Variants in PATJ observed in about 807,000 individuals in gnomAD.
The protein encoded by PATJ is PATJ crumbs cell polarity complex component, also known as inaD-like protein.
A neutral mutation model predicts 224.9 loss-of-function variants in PATJ; 190 were observed. The ratio of observed to expected loss-of-function variants is 0.84; its 90% CI spans 0.75 to 0.95. The LOEUF is 0.95. PATJ is among the 40% of genes least tolerant of loss of function. PATJ has a pLI of 0.00. For missense variants in PATJ, 2,121 were observed against 2,270.3 expected, an observed-to-expected ratio of 0.93 and a Z score of 1.34; for synonymous variants, 769 against 820.3, an observed-to-expected ratio of 0.94 and a Z score of 1.07.
At chr1:61,876,438 T>A (rs1387519142) in intron 21 of PATJ, among the ~76,000 whole-genome samples, 3 of 152,178 alleles carry the variant, frequency 2.0e-5, no homozygotes, top group Non-Finnish European at 4.4e-5. Context: ...TTGGAGAAGA[T>A]TTATAGCACA....
chr1:61,897,015 G>A (rs541403114), intron 22 of PATJ, among the ~76,000 whole-genome samples: 8 of 152,052 alleles, frequency 5.3e-5, no homozygotes, highest in African/African-American at 1.9e-4. Flanking sequence ...TATTGAGATA[G>A]CAGATAAATT....
intron 9 of PATJ, among the ~76,000 whole-genome samples, chr1:61,793,181 C>T (rs1405518766): frequency 6.6e-6 from 1 of 152,106 alleles, no homozygotes; most frequent in Non-Finnish European, 1.5e-5. Flanking sequence ...TCAAGTGACT[C>T]TTGTGCCTCA....
In PATJ at chr1:62,106,063, A is replaced by AATATATAT. The variant is rs1553268230; in HGVS notation, c.4378-2364_4378-2357dup. On this transcript the variant is annotated intron_variant, in intron 33 of 43. Transcript: ENST00000642238. ...CTCCTCTTAAAAAAAAAAAAAAAAA[A>AATATATAT]ATATATATATATATATACACACACA... Among the ~76,000 whole-genome samples, 30 of 39,658 alleles carry AATATATAT rather than the reference A, an allele frequency of 7.6e-4. 2 individuals carry two copies. Among genetic ancestry groups the AATATATAT allele is most frequent in the African/African-American group, 9.8e-4 (10 of 10,156 alleles). The allele number at this position is 39,658 out of a possible 152,430, so 26.0% of individuals were successfully genotyped here. A position where few individuals can be genotyped will look rare whatever the true frequency, so the allele number is the denominator to read the frequency against.
At chr1:61,763,390 G>A (rs1186323248) in intron 3 of PATJ, among the ~76,000 whole-genome samples, 1 of 151,964 alleles carries the variant, frequency 6.6e-6, no homozygotes, top group Non-Finnish European at 1.5e-5. Flanking sequence ...TTGGTAACTG[G>A]ATGTGGTGGC....
chr1:62,099,887 G>T (rs1661934221), intron 33 of PATJ, among the ~76,000 whole-genome samples: 1 of 152,122 alleles, frequency 6.6e-6, no homozygotes, highest in South Asian at 2.1e-4. Flanking sequence ...CAATAAGGTT[G>T]CCTTTTGCTG....
chr1:62,100,178 C>T, intron 33 of PATJ: 1 of 500,616 alleles, frequency 2.0e-6, no homozygotes, highest in Non-Finnish European at 3.7e-6. Context: ...GATTTAAAAT[C>T]CATTTGTGAT....
intron 1 of PATJ, among the ~76,000 whole-genome samples, chr1:61,747,254 G>A (rs908245533): frequency 3.3e-5 from 5 of 152,054 alleles, no homozygotes; most frequent in African/African-American, 4.8e-5. Flanking sequence ...TTTAGGTTCC[G>A]GTGCAAATGG....
chr1:62,117,639 G>A (rs1664592347), intron 37 of PATJ, among the ~76,000 whole-genome samples: 1 of 152,278 alleles, frequency 6.6e-6, no homozygotes, highest in South Asian at 2.1e-4. Flanking sequence ...GCAATTAATG[G>A]CATATTCCTA....
At chr1:61,918,456 C>G (rs778341251) in intron 26 of PATJ, among the ~76,000 whole-genome samples, 1 of 151,440 alleles carries the variant, frequency 6.6e-6, no homozygotes, top group Non-Finnish European at 1.5e-5. Flanking sequence ...TACAGGCATG[C>G]GCCACCATGC....
chr1:61,844,945 A>G (rs1251880797), intron 17 of PATJ, among the ~76,000 whole-genome samples: 1 of 152,132 alleles, frequency 6.6e-6, no homozygotes, highest in Non-Finnish European at 1.5e-5. Flanking sequence ...CGAAACTGTG[A>G]GTTAATTAAA....
chr1:62,114,441 C>T, intron 35 of PATJ, 195 bp downstream of exon 35: 1 of 562,252 alleles, frequency 1.8e-6, no homozygotes, highest in Non-Finnish European at 3.1e-6. Context: ...AGATAGAACT[C>T]CAAGTCCAAT....
intron 29 of PATJ, among the ~76,000 whole-genome samples, chr1:62,022,400 C>T (rs1292634792): frequency 6.6e-6 from 1 of 152,158 alleles, no homozygotes; most frequent in Non-Finnish European, 1.5e-5. Flanking sequence ...CATATGGTCC[C>T]TGATACACTA....
chr1:61,808,177 A>G (rs1268817668), intron 13 of PATJ, among the ~76,000 whole-genome samples: 1 of 152,184 alleles, frequency 6.6e-6, no homozygotes, highest in Non-Finnish European at 1.5e-5. Context: ...ATGGAGGATT[A>G]TATTAAAATT....
At chr1:62,151,385 G>A (rs1454751323) in intron 42 of PATJ, among the ~76,000 whole-genome samples, 3 of 151,544 alleles carry the variant, frequency 2.0e-5, no homozygotes, top group East Asian at 2.0e-4. Flanking sequence ...TCAGGAGATC[G>A]AGACCACCCT....
At chr1:61,974,447 C>G (rs1644015611) in intron 27 of PATJ, among the ~76,000 whole-genome samples, 1 of 102,414 alleles carries the variant, frequency 9.8e-6, no homozygotes, top group African/African-American at 3.9e-5. Context: ...GAGTTTCGCT[C>G]TTGTTGCCAA....
intron 29 of PATJ, among the ~76,000 whole-genome samples, chr1:62,034,728 T>C (rs1053500294): frequency 3.9e-5 from 6 of 152,188 alleles, no homozygotes; most frequent in African/African-American, 1.4e-4. Context: ...CTTTCTTCTT[T>C]TCAGTGAGAG....
intron 28 of PATJ, among the ~76,000 whole-genome samples, chr1:62,009,637 C>T (rs747790561): frequency 2.0e-5 from 3 of 152,224 alleles, no homozygotes; most frequent in Admixed American, 6.5e-5. Context: ...TCAGTAACAT[C>T]GGATGCTGTT....
chr1:61,856,240 G>C lies in PATJ; in HGVS notation c.2322+1G>C. The C allele has an allele frequency of 2.5e-6, 4 of 1,610,776 alleles. No individual in the cohort carries two copies. Among genetic ancestry groups the C allele is most frequent in the Non-Finnish European group, 3.4e-6 (4 of 1,176,972 alleles). Reference sequence around the variant, plus strand: ...CCTTGGCATCTGTAAGCCTTTGGTGGTAAGTGTTGTATTTTGTTAATATAG... The same window carrying C: ...CCTTGGCATCTGTAAGCCTTTGGTGCTAAGTGTTGTATTTTGTTAATATAG... On this transcript the variant is annotated splice_donor_variant, in intron 18 of 43. Transcript: ENST00000642238. LOFTEE classifies it high-confidence loss of function.
intron 14 of PATJ, among the ~76,000 whole-genome samples, chr1:61,814,547 T>TGTGTGCGCGCGCGCGC (rs370488022): frequency 2.8e-5 from 4 of 142,490 alleles, no homozygotes; most frequent in African/African-American, 1.1e-4. Flanking sequence ...TGTGTGTGTG[T>TGTGTGCGCGCGCGCGC]GCGCGCGCGC....
Sources: gnomAD v4.1 joint callset for allele counts (sites outside exome capture counted in the v4.1 genomes callset) on GRCh38, gnomAD v4.1.1 for gene constraint, MANE v1.5 for transcripts, NCBI Gene and HGNC (gene_info 2026-07-23, HGNC 2026-07-21) for gene names.